Variants in MAP3K1 observed in about 807,000 individuals in gnomAD.
The protein encoded by MAP3K1 is MAP/ERK kinase kinase 1.
A neutral mutation model predicts 144.2 loss-of-function variants in MAP3K1; 36 were observed. The observed-to-expected ratio is 0.25, with a 90% CI of 0.19 to 0.33. The LOEUF (loss-of-function observed/expected upper bound fraction) is 0.33. MAP3K1 is among the 10% of genes least tolerant of loss of function. MAP3K1 has a pLI of 1.00. For missense variants in MAP3K1, 1,650 were observed against 1,881.9 expected, an observed-to-expected ratio of 0.88 and a Z score of 2.28; for synonymous variants, 718 against 688.7, an observed-to-expected ratio of 1.04 and a Z score of -0.67.
chr5:56,887,727 G>A, intron 18 of MAP3K1: 2 of 578,700 alleles, frequency 3.5e-6, no homozygotes, highest in Non-Finnish European at 3.1e-6. Flanking sequence ...GGTTTTAATA[G>A]ATTTACTTAA....
At chr5:56,823,922 C>T (rs1426365678) in intron 1 of MAP3K1, among the ~76,000 whole-genome samples, 1 of 152,134 alleles carries the variant, frequency 6.6e-6, no homozygotes, top group Non-Finnish European at 1.5e-5. Context: ...TTCACACATA[C>T]ATCTGTGAAT....
chr5:56,845,056 T>A (rs1471844539), intron 1 of MAP3K1, among the ~76,000 whole-genome samples: 1 of 152,232 alleles, frequency 6.6e-6, no homozygotes, highest in African/African-American at 2.4e-5. Context: ...TCTCCTTTAA[T>A]CTCAGAGCAT....
At chr5:56,825,377 T>C (rs543830859) in intron 1 of MAP3K1, among the ~76,000 whole-genome samples, 4 of 152,308 alleles carry the variant, frequency 2.6e-5, no homozygotes, top group East Asian at 3.9e-4. Context: ...AGCTAGTCTT[T>C]AACCAGGAAG....
chr5:56,821,819 C>A (rs1746161018), intron 1 of MAP3K1, among the ~76,000 whole-genome samples: 1 of 152,218 alleles, frequency 6.6e-6, no homozygotes, highest in South Asian at 2.1e-4. Context: ...TTTGCACCAT[C>A]TCCCAGCATC....
chr5:56,882,035 A>G lies in MAP3K1; in HGVS notation c.2835A>G (p.Thr945=). ...SVGPSSSTTT[T]TTTTEQPKPM... ...GACCTTCTAGTTCAACAACAACAAC[A>G]ACAACAACAACAGAGCAACCAAAGC... is the stretch of plus-strand genomic sequence containing the variant. The change falls in exon 14 of 20, where the codon ACA becomes ACG. Residue 945 remains threonine, a synonymous_variant. Coordinates refer to ENST00000399503, the MANE Select transcript of MAP3K1 (RefSeq NM_005921.2). 2 of 1,614,012 alleles carry G rather than the reference A, an allele frequency of 1.2e-6. No individual in the cohort carries two copies. The highest frequency in any genetic ancestry group is 8.5e-7 in the Non-Finnish European group (1 of 1,179,938).
chr5:56,888,162 C>A (rs941288953), intron 18 of MAP3K1, 64 bp from the exon 19 acceptor site: 3 of 1,477,706 alleles, frequency 2.0e-6, no homozygotes, highest in East Asian at 2.3e-5. Context: ...GAATCTATAA[C>A]TACAAAATGG....
At chr5:56,887,805 C>T (rs1179365999) in intron 18 of MAP3K1, 22 of 477,792 alleles carry the variant, frequency 4.6e-5, no homozygotes, top group Non-Finnish European at 7.2e-5. Context: ...TCAAAGTGCA[C>T]ATAAGAAATT....
In MAP3K1 at chr5:56,872,619, T is replaced by C. The variant is rs777052559; in HGVS notation, c.1424-22T>C. The C allele has an allele frequency of 2.9e-6, 4 of 1,372,194 alleles. No individual in the cohort carries two copies. In the Admixed American group the frequency reaches 5.0e-5, roughly 17 times the overall value. 85.0% of individuals were successfully genotyped at this position (1,372,194 alleles called of 1,614,324 possible). On this transcript the variant is annotated intron_variant, in intron 7 of 19. Transcript: ENST00000399503. ...GTTAAACATTTACATTTTTGTAAGATTTTGTTTCTGTAATTTTTCAGGGGC... is the reference window on the plus strand; with the variant it reads ...GTTAAACATTTACATTTTTGTAAGACTTTGTTTCTGTAATTTTTCAGGGGC...
At chr5:56,881,296 T>G (rs1357720119) in intron 13 of MAP3K1, 24 bp downstream of exon 13, 1 of 1,590,832 alleles carries the variant, frequency 6.3e-7, no homozygotes, top group Admixed American at 1.7e-5. Context: ...TGAAAATGTA[T>G]TACTTGTATC....
chr5:56,863,118 A>C (rs1747568959), intron 3 of MAP3K1, among the ~76,000 whole-genome samples: 1 of 152,178 alleles, frequency 6.6e-6, no homozygotes, highest in African/African-American at 2.4e-5. Context: ...TAAGGCAAAC[A>C]CCTAGCTGTA....
At chr5:56,869,688 A>G (rs1016140089) in intron 6 of MAP3K1, among the ~76,000 whole-genome samples, 1 of 152,220 alleles carries the variant, frequency 6.6e-6, no homozygotes. Flanking sequence ...TGCACTTATA[A>G]TTTGACTAAA....
intron 1 of MAP3K1, among the ~76,000 whole-genome samples, chr5:56,851,224 G>A (rs1349904039): frequency 6.6e-6 from 1 of 152,188 alleles, no homozygotes; most frequent in Non-Finnish European, 1.5e-5. Context: ...GGGATTACAG[G>A]CATGAGCCAC....
chr5:56,860,044 G>C (rs1236859936), intron 3 of MAP3K1, 129 bp downstream of exon 3: 4 of 763,688 alleles, frequency 5.2e-6, no homozygotes, highest in Non-Finnish European at 8.7e-6. Flanking sequence ...CCCTGAGGAT[G>C]GGGGGGGTGG....
chr5:56,841,025 A>G (rs1579731691), intron 1 of MAP3K1, among the ~76,000 whole-genome samples: 2 of 152,104 alleles, frequency 1.3e-5, no homozygotes, highest in East Asian at 3.9e-4. Flanking sequence ...ACAGGCATGC[A>G]CCACCACGCC....
Position 56,888,334 on chromosome 5 carries a change from A to C in MAP3K1, c.4366A>C (p.Asn1456His). Residue 1456 changes from asparagine to histidine, a missense_variant, in exon 19 of 20, where the codon AAT (asparagine) becomes CAT (histidine). By Grantham distance (68) the Asn-to-His change is moderately conservative. Transcript: ENST00000399503. Reference sequence around the variant, plus strand: ...ACCATGGAATGCAGAAAAACACTCCAATCATCTTGCTTTGATATTTAAGGT... The same window carrying C: ...ACCATGGAATGCAGAAAAACACTCCCATCATCTTGCTTTGATATTTAAGGT... ...KPPWNAEKHS[N>H]HLALIFKIAS... The C allele has an allele frequency of 1.9e-6, 3 of 1,614,124 alleles. No individual in the cohort carries two copies. The highest frequency in any genetic ancestry group is 2.5e-6 in the Non-Finnish European group (3 of 1,180,006).
At chr5:56,869,019 G>A (rs984479836) in intron 6 of MAP3K1, among the ~76,000 whole-genome samples, 4 of 151,802 alleles carry the variant, frequency 2.6e-5, no homozygotes, top group African/African-American at 9.7e-5. Context: ...GAGACAGAAA[G>A]TAGAATGAGC....
intron 18 of MAP3K1, 45 bp from the exon 19 acceptor site, chr5:56,888,181 T>G (rs1748443697): frequency 1.9e-6 from 3 of 1,597,242 alleles, no homozygotes; most frequent in Non-Finnish European, 2.6e-6. Flanking sequence ...GGCCTTCTCT[T>G]TTTCAAATGA....
chr5:56,883,640 TCAAGA>T lies in MAP3K1; in HGVS notation c.3781_3785del (p.Gln1261CysfsTer10). ...GAGCATTTTCTTCTTGTTATCAGGC[TCAAGA>T]TGTGGGAACTGGAACTTTAATGGCT... is the stretch of plus-strand genomic sequence containing the variant. On this transcript the variant is annotated frameshift_variant, in exon 15 of 20. Coordinates refer to ENST00000399503, the MANE Select transcript of MAP3K1 (RefSeq NM_005921.2). LOFTEE classifies it high-confidence loss of function. 1 of 1,614,034 alleles carries T rather than the reference TCAAGA, an allele frequency of 6.2e-7. No individual in the cohort carries two copies. Among genetic ancestry groups the T allele is most frequent in the Non-Finnish European group, 8.5e-7 (1 of 1,179,974 alleles).
Position 56,859,907 on chromosome 5 carries a change from C to T in MAP3K1, c.826C>T (p.Pro276Ser), listed in dbSNP as rs2111874742. The T allele has an allele frequency of 6.2e-7, 1 of 1,610,572 alleles. No homozygotes were observed. The highest frequency in any genetic ancestry group is 8.5e-7 in the Non-Finnish European group (1 of 1,177,956). The change falls in exon 3 of 20, where the codon CCA (proline) becomes TCA (serine). Residue 276 changes from proline to serine, a missense_variant. Around this residue, in one of 6 missense-constraint regions of MAP3K1, gnomAD observed 148 missense variants for 177.2 expected, o/e 0.84. Coordinates refer to ENST00000399503, the MANE Select transcript of MAP3K1 (RefSeq NM_005921.2). Reference sequence around the variant, plus strand: ...AGGAGTAAGGAGAAAAAGAGTTTCCCCAGTGCCTGTAAGTTAATGTTACAA... The same window carrying T: ...AGGAGTAAGGAGAAAAAGAGTTTCCTCAGTGCCTGTAAGTTAATGTTACAA... Reference protein sequence around the residue: ...SPGVRRKRVSPVPFQSGRITP... With the variant: ...SPGVRRKRVSSVPFQSGRITP...
Sources: gnomAD v4.1 joint callset for allele counts (sites outside exome capture counted in the v4.1 genomes callset) on GRCh38, gnomAD v4.1.1 for gene constraint, gnomAD v4.1.1 regional missense constraint, MANE v1.5 for transcripts, NCBI Gene and HGNC (gene_info 2026-07-23, HGNC 2026-07-21) for gene names.